The following UBE3C variants were observed in gnomAD, a reference collection of about 807,000 sequenced individuals.
UBE3C encodes the protein ubiquitin protein ligase E3C, also known as ubiquitin-protein ligase E3C.
In UBE3C, 42 loss-of-function variants were observed where a neutral mutation model predicts 129.4. The observed-to-expected ratio is 0.32, with a 90% CI of 0.25 to 0.42. UBE3C has a LOEUF of 0.42. Ranked by LOEUF, UBE3C falls within the 10% of genes least tolerant of loss-of-function variation. The pLI is 1.00. For missense variants in UBE3C, 1,049 were observed against 1,319.1 expected (o/e 0.80, Z 3.17); for synonymous variants, 510 against 492.4 (o/e 1.04, Z -0.47).
chr7:157,249,502 G>A (rs1796568125), intron 19 of UBE3C, among the ~76,000 whole-genome samples: 1 of 152,126 alleles, frequency 6.6e-6, no homozygotes, highest in African/African-American at 2.4e-5. Context: ...TAGTAGAGAT[G>A]GGGTTTCTCC....
chr7:157,193,090 A>T (rs1024156948), intron 10 of UBE3C, among the ~76,000 whole-genome samples: 1 of 151,940 alleles, frequency 6.6e-6, no homozygotes, highest in Non-Finnish European at 1.5e-5. Flanking sequence ...CTTACCTCCT[A>T]CTCTTAGCTC....
At position 157,182,316 on chromosome 7, in the gene UBE3C, G is replaced by A. The variant is rs997245597; in HGVS notation, c.979G>A (p.Glu327Lys). 8.1e-6 allele frequency: 13 copies of A among 1,612,784 alleles called. No individual in the cohort carries two copies. Among genetic ancestry groups the A allele is most frequent in the Admixed American group, 1.7e-5 (1 of 59,682 alleles). ...WLFYFVLTVG[E>K]NYLGALSEEG... ...TTTCTATTTCGTTTTAACTGTTGGC[G>A]AAAATTATTTGGGTATGAAATACAA... Residue 327 changes from glutamate to lysine, a missense_variant, in exon 8 of 23, where the codon GAA (glutamate) becomes AAA (lysine). Glu to Lys is a moderately conservative substitution (Grantham distance 56). Around this residue, in one of 4 missense-constraint regions of UBE3C, gnomAD observed 489 missense variants for 513.8 expected, o/e 0.95. Transcript: ENST00000348165.
At chr7:157,217,833 G>A (rs915750058) in intron 14 of UBE3C, among the ~76,000 whole-genome samples, 4 of 151,136 alleles carry the variant, frequency 2.6e-5, no homozygotes, top group Non-Finnish European at 4.4e-5. Flanking sequence ...GCGAAATTCC[G>A]TCTCAAAAAA....
chr7:157,190,968 A>AG (rs1491173749), intron 10 of UBE3C, among the ~76,000 whole-genome samples: 1 of 152,084 alleles, frequency 6.6e-6, no homozygotes, highest in Non-Finnish European at 1.5e-5. Flanking sequence ...GCATGTTCTC[A>AG]GGGGCTTGGC....
chr7:157,233,383 G>A (rs576925384), intron 18 of UBE3C, among the ~76,000 whole-genome samples: 1 of 152,124 alleles, frequency 6.6e-6, no homozygotes, highest in African/African-American at 2.4e-5. Flanking sequence ...GCTTAAGGAG[G>A]CCTCCTGCTT....
intron 9 of UBE3C, among the ~76,000 whole-genome samples, chr7:157,184,532 A>G (rs1808756131): frequency 6.6e-6 from 1 of 152,210 alleles, no homozygotes; most frequent in African/African-American, 2.4e-5. Context: ...ACATGCATAC[A>G]TAATTTGTGT....
At chr7:157,158,598 C>T (rs148786644) in intron 1 of UBE3C, among the ~76,000 whole-genome samples, 1 of 152,314 alleles carries the variant, frequency 6.6e-6, no homozygotes, top group Non-Finnish European at 1.5e-5. Context: ...TGATTTAGCT[C>T]ATTGTCCATT....
At position 157,183,853 on chromosome 7, in the gene UBE3C, C is replaced by A. The variant is rs781657429; in HGVS notation, c.992-25C>A. On this transcript the variant is annotated intron_variant, in intron 8 of 22. Transcript: ENST00000348165. ...TAAAAAATAATGTTTAACTAAAATA[C>A]GTTTTAACTGATTGTTTTGCAAAGG... 4 of 1,602,134 alleles carry A rather than the reference C, an allele frequency of 2.5e-6. No individual in the cohort carries two copies. The South Asian group carries it at 3.3e-5, about 13-fold the overall frequency.
intron 22 of UBE3C, among the ~76,000 whole-genome samples, chr7:157,257,464 A>T (rs1554439542): frequency 7.9e-5 from 12 of 152,212 alleles, no homozygotes; most frequent in Non-Finnish European, 1.8e-4. Context: ...TGTTGATCTT[A>T]CGTAATTTGG....
Position 157,175,137 on chromosome 7 carries a change from C to CTTTTTTT in UBE3C, c.458+118_458+124dup, listed in dbSNP as rs56852731. ...TTTCAGAGACAGTGGCTTTTCCATA[C>CTTTTTTT]TTTTTTTTTTTTTTTTTTTTTGAGG... On this transcript the variant is annotated intron_variant, in intron 5 of 22. Transcript: ENST00000348165. 769 of 252,148 alleles carry CTTTTTTT rather than the reference C, an allele frequency of 3.0e-3. 9 individuals carry two copies. The highest frequency in any genetic ancestry group is 9.5e-3 in the East Asian group (114 of 11,942). The allele number at this position is 252,148 out of a possible 1,614,324, so 15.6% of individuals were successfully genotyped here. A position where few individuals can be genotyped will look rare whatever the true frequency, so the allele number is the denominator to read the frequency against.
At chr7:157,157,985 TATAG>T (rs912139856) in intron 1 of UBE3C, among the ~76,000 whole-genome samples, 17 of 134,670 alleles carry the variant, frequency 1.3e-4, no homozygotes, top group Admixed American at 7.6e-4. Context: ...TATATATATA[TATAG>T]AGAGAGAGAG....
chr7:157,187,275 T>C (rs1420936427), intron 10 of UBE3C, among the ~76,000 whole-genome samples: 2 of 152,228 alleles, frequency 1.3e-5, no homozygotes, highest in Non-Finnish European at 2.9e-5. Context: ...ACCTTATGAA[T>C]GTGAGTTTAT....
chr7:157,256,855 G>T, intron 21 of UBE3C, 59 bp from the exon 22 acceptor site: 1 of 1,602,446 alleles, frequency 6.2e-7, no homozygotes, highest in South Asian at 1.1e-5. Context: ...CAATCCCTGT[G>T]GGTCCTGAAG....
chr7:157,212,357 G>T (rs1339877614), intron 13 of UBE3C, among the ~76,000 whole-genome samples: 1 of 152,030 alleles, frequency 6.6e-6, no homozygotes, highest in African/African-American at 2.4e-5. Context: ...TAATTTTTTG[G>T]TTGCAATACT....
chr7:157,159,478 G>A (rs1215671229), intron 1 of UBE3C, among the ~76,000 whole-genome samples: 5 of 152,252 alleles, frequency 3.3e-5, no homozygotes, highest in African/African-American at 1.2e-4. Flanking sequence ...AGATCAGACT[G>A]TGGATGGTTT....
intron 10 of UBE3C, among the ~76,000 whole-genome samples, chr7:157,188,783 A>G (rs1249366617): frequency 6.6e-6 from 1 of 150,874 alleles, no homozygotes; most frequent in Non-Finnish European, 1.5e-5. Flanking sequence ...ACTGTTACAG[A>G]TTTTAACTGC....
intron 13 of UBE3C, among the ~76,000 whole-genome samples, chr7:157,214,748 T>G (rs1036058089): frequency 6.6e-6 from 1 of 152,232 alleles, no homozygotes; most frequent in South Asian, 2.1e-4. Flanking sequence ...CACATGTAAT[T>G]AGCATAGCTC....
chr7:157,181,525 T>C lies in UBE3C; in HGVS notation c.624T>C (p.Tyr208=). 6 of 1,601,562 alleles carry C rather than the reference T, an allele frequency of 3.7e-6. No homozygotes were observed. The highest frequency in any genetic ancestry group is 5.1e-6 in the Non-Finnish European group (6 of 1,176,214). The change falls in exon 7 of 23, where the codon TAT becomes TAC. Residue 208 remains tyrosine, a synonymous_variant. Coordinates refer to ENST00000348165, the MANE Select transcript of UBE3C (RefSeq NM_014671.3). ...ATGTGTTTTTCCTTTTAGGGTATTA[T>C]AGGTCTCTATATTTGTTGATTAACA... ...ILHYMIHNGY[Y]RSLYLLINSK...
intron 18 of UBE3C, among the ~76,000 whole-genome samples, chr7:157,237,433 T>A (rs543348270): frequency 6.6e-6 from 1 of 152,144 alleles, no homozygotes; most frequent in East Asian, 1.9e-4. Flanking sequence ...AGAGCGAGAC[T>A]CCGTCTCAAA....
Sources: gnomAD v4.1 joint callset for allele counts (sites outside exome capture counted in the v4.1 genomes callset) on GRCh38, gnomAD v4.1.1 for gene constraint, gnomAD v4.1.1 regional missense constraint, MANE v1.5 for transcripts, NCBI Gene and HGNC (gene_info 2026-07-23, HGNC 2026-07-21) for gene names.